Variants in BBX observed in about 807,000 individuals in gnomAD.
BBX encodes BBX high mobility group box domain containing, also known as HMG box transcription factor BBX.
BBX carries 30 observed loss-of-function variants against 100.2 expected under a neutral mutation model. The observed-to-expected ratio is 0.30, with a 90% CI of 0.22 to 0.41. BBX has a LOEUF of 0.41. BBX is among the 10% of genes least tolerant of loss of function. The probability of loss-of-function intolerance (pLI) is 1.00; values close to 1 mark genes in which losing one functional copy is unlikely to be tolerated. For synonymous variants in BBX, 376 were observed against 388.1 expected, an observed-to-expected ratio of 0.97 and a Z score of 0.37; for missense variants, 1,023 against 1,129.8, an observed-to-expected ratio of 0.91 and a Z score of 1.35.
chr3:107,663,606 A>G (rs2058577601), intron 3 of BBX, among the ~76,000 whole-genome samples: 1 of 151,946 alleles, frequency 6.6e-6, no homozygotes. Context: ...CTGTTTTTAA[A>G]TTTTATATAA....
rs111657752 is a variant in BBX at position 107,699,399 on chromosome 3, G to A, written c.-9-11053G>A. On this transcript the variant is annotated intron_variant, in intron 3 of 17. Transcript: ENST00000325805. Reference sequence around the variant, plus strand: ...AAAGAAACATCAGCTGTAAAGGCAAGCTGGACTAGGTCAGGAAGAGTCTTA... The same window carrying A: ...AAAGAAACATCAGCTGTAAAGGCAAACTGGACTAGGTCAGGAAGAGTCTTA... Among the ~76,000 whole-genome samples the A allele has an allele frequency of 1.8e-3, 275 of 152,030 alleles. 13 individuals are homozygous for A. The highest frequency in any genetic ancestry group is 6.4e-3 in the African/African-American group (265 of 41,274).
chr3:107,616,612 G>A (rs1401160463), intron 2 of BBX, among the ~76,000 whole-genome samples: 3 of 151,878 alleles, frequency 2.0e-5, no homozygotes, highest in Non-Finnish European at 4.4e-5. Flanking sequence ...TAGGTATATG[G>A]CAATCTCATT....
intron 2 of BBX, among the ~76,000 whole-genome samples, chr3:107,630,759 G>C (rs774385292): frequency 2.6e-5 from 4 of 152,186 alleles, no homozygotes; most frequent in African/African-American, 4.8e-5. Flanking sequence ...TGTGCTGTCG[G>C]GATGGGGTAC....
intron 3 of BBX, 149 bp from the exon 4 acceptor site, chr3:107,710,303 G>A (rs777884102): frequency 8.8e-6 from 5 of 569,212 alleles, no homozygotes; most frequent in South Asian, 3.5e-5. Flanking sequence ...ACCAGTAAAT[G>A]AGCTGATAGT....
At chr3:107,766,092 G>T (rs977035391) in intron 10 of BBX, among the ~76,000 whole-genome samples, 1 of 152,116 alleles carries the variant, frequency 6.6e-6, no homozygotes, top group African/African-American at 2.4e-5. Context: ...TACTTTTGAC[G>T]TAAGGAAGAG....
intron 3 of BBX, among the ~76,000 whole-genome samples, chr3:107,654,431 T>C (rs893378634): frequency 6.6e-6 from 1 of 152,066 alleles, no homozygotes; most frequent in African/African-American, 2.4e-5. Flanking sequence ...AGCAAAATTA[T>C]AGATTTTTTT....
chr3:107,747,471 G>A (rs2064717098), intron 8 of BBX, among the ~76,000 whole-genome samples: 1 of 151,982 alleles, frequency 6.6e-6, no homozygotes, highest in African/African-American at 2.4e-5. Context: ...AGGTCATGTT[G>A]TGGGTAAGTA....
chr3:107,548,036 A>G (rs1484723454), intron 2 of BBX, among the ~76,000 whole-genome samples: 5 of 152,042 alleles, frequency 3.3e-5, no homozygotes, highest in African/African-American at 9.7e-5. Flanking sequence ...GCTCAGCCAC[A>G]CTCTCAGAGC....
At chr3:107,628,055 A>G (rs898134522) in intron 2 of BBX, among the ~76,000 whole-genome samples, 3 of 152,116 alleles carry the variant, frequency 2.0e-5, no homozygotes, top group Non-Finnish European at 2.9e-5. Flanking sequence ...TCTTCTTTAA[A>G]CATAGGAATA....
chr3:107,791,399 C>CA (rs879476515), intron 15 of BBX, 100 bp downstream of exon 15: 64 of 940,222 alleles, frequency 6.8e-5, no homozygotes, highest in Non-Finnish European at 1.0e-4. Context: ...GTTTAAACAA[C>CA]AGCACTAGAC....
At chr3:107,801,011 T>A in intron 16 of BBX, 84 bp from the exon 17 acceptor site, 1 of 1,321,756 alleles carries the variant, frequency 7.6e-7, no homozygotes, top group East Asian at 2.3e-5. Flanking sequence ...GCTCTTTTCA[T>A]GTTGACTGGC....
intron 2 of BBX, among the ~76,000 whole-genome samples, chr3:107,591,413 A>G (rs778327479): frequency 4.6e-5 from 7 of 152,204 alleles, no homozygotes; most frequent in Non-Finnish European, 7.3e-5. Context: ...GCTTATAAAG[A>G]CTTGGTTTAA....
At chr3:107,625,954 A>G (rs2056140479) in intron 2 of BBX, among the ~76,000 whole-genome samples, 1 of 152,124 alleles carries the variant, frequency 6.6e-6, no homozygotes, top group Non-Finnish European at 1.5e-5. Context: ...TACATATAAT[A>G]TATATACCTT....
intron 13 of BBX, among the ~76,000 whole-genome samples, chr3:107,783,077 A>C (rs2068063590): frequency 6.6e-6 from 1 of 152,114 alleles, no homozygotes; most frequent in African/African-American, 2.4e-5. Context: ...AAATTTCCTT[A>C]TATTTGCTAT....
chr3:107,725,441 C>G (rs1467817330), intron 5 of BBX, among the ~76,000 whole-genome samples: 2 of 152,058 alleles, frequency 1.3e-5, no homozygotes, highest in African/African-American at 4.8e-5. Context: ...ACTTCCAACA[C>G]TATGTTGAAT....
intron 9 of BBX, among the ~76,000 whole-genome samples, chr3:107,754,626 C>T (rs144505405): frequency 2.8e-4 from 43 of 152,238 alleles, no homozygotes; most frequent in Admixed American, 2.0e-4. Context: ...CTAACAACTT[C>T]GTAGAATCAC....
chr3:107,679,089 A>G (rs1032318699), intron 3 of BBX, among the ~76,000 whole-genome samples: 6 of 151,978 alleles, frequency 3.9e-5, no homozygotes, highest in African/African-American at 1.4e-4. Context: ...ACAAAGTGAA[A>G]TTAAGCAGGA....
chr3:107,672,901 A>G (rs1214654310), intron 3 of BBX, among the ~76,000 whole-genome samples: 1 of 152,056 alleles, frequency 6.6e-6, no homozygotes, highest in Non-Finnish European at 1.5e-5. Context: ...TAGAATTGTT[A>G]GTCTTTCTCA....
intron 3 of BBX, among the ~76,000 whole-genome samples, chr3:107,679,825 A>G (rs746926489): frequency 6.6e-6 from 1 of 152,180 alleles, no homozygotes; most frequent in African/African-American, 2.4e-5. Flanking sequence ...AAGACTCATT[A>G]AAAATTACTC....
Sources: allele counts gnomAD v4.1 joint callset (sites outside exome capture counted in the v4.1 genomes callset), GRCh38; gene constraint gnomAD v4.1.1; transcripts MANE v1.5; gene names NCBI Gene and HGNC (gene_info 2026-07-23, HGNC 2026-07-21).